The following TMEM132B variants were observed in gnomAD, a reference collection of about 807,000 sequenced individuals.
TMEM132B encodes the protein transmembrane protein 132B.
In TMEM132B, 18 loss-of-function variants were observed where a neutral mutation model predicts 90.8. The ratio of observed to expected loss-of-function variants is 0.20; its 90% confidence interval spans 0.14 to 0.29. The LOEUF (loss-of-function observed/expected upper bound fraction) is 0.29, where lower values mean the gene tolerates loss of function less well. TMEM132B is among the 10% of genes least tolerant of loss of function. The probability of loss-of-function intolerance (pLI) is 1.00; values close to 1 mark genes in which losing one functional copy is unlikely to be tolerated. For synonymous variants in TMEM132B, 504 were observed against 523.3 expected, an observed-to-expected ratio of 0.96 and a Z score of 0.50; for missense variants, 1,096 against 1,326.8, an observed-to-expected ratio of 0.83 and a Z score of 2.70.
chr12:125,440,751 T>C (rs1329820146), intron 3 of TMEM132B, among the ~76,000 whole-genome samples: 2 of 152,220 alleles, frequency 1.3e-5, no homozygotes, highest in Non-Finnish European at 2.9e-5. Context: ...CTAAGTGTTT[T>C]TTTCTTTCAG....
intron 2 of TMEM132B, among the ~76,000 whole-genome samples, chr12:125,350,593 T>C (rs1877536746): frequency 6.6e-6 from 1 of 152,092 alleles, no homozygotes; most frequent in Non-Finnish European, 1.5e-5. Context: ...GGAGTCTCCA[T>C]AGAGCCAGAG....
chr12:125,642,537 C>T (rs1886658665), intron 5 of TMEM132B, among the ~76,000 whole-genome samples: 1 of 152,158 alleles, frequency 6.6e-6, no homozygotes, highest in Admixed American at 6.5e-5. Flanking sequence ...GCTCTATCTA[C>T]TACCATCTTA....
intron 5 of TMEM132B, among the ~76,000 whole-genome samples, chr12:125,619,343 TA>T: frequency 6.1e-5 from 1 of 16,344 alleles, no homozygotes; most frequent in South Asian, 1.8e-3. Flanking sequence ...TTTATTTATT[TA>T]TTTATTTATT....
At chr12:125,375,160 C>A (rs796631112) in intron 2 of TMEM132B, among the ~76,000 whole-genome samples, 4 of 152,182 alleles carry the variant, frequency 2.6e-5, no homozygotes, top group African/African-American at 9.7e-5. Context: ...AAGCAGCTAA[C>A]CCTTTCGTGT....
chr12:125,273,095 T>C (rs1266117010), intron 1 of TMEM132B, among the ~76,000 whole-genome samples: 8 of 152,344 alleles, frequency 5.3e-5, no homozygotes, highest in African/African-American at 1.9e-4. Flanking sequence ...AATAAAACCG[T>C]ACAATGAATA....
chr12:125,565,579 G>A (rs1387268992), intron 4 of TMEM132B, among the ~76,000 whole-genome samples: 4 of 152,220 alleles, frequency 2.6e-5, no homozygotes, highest in Non-Finnish European at 5.9e-5. Context: ...ATTGAGTGGT[G>A]AAAGTGGCTC....
At chr12:125,394,366 C>T (rs1879113532) in intron 2 of TMEM132B, among the ~76,000 whole-genome samples, 1 of 152,160 alleles carries the variant, frequency 6.6e-6, no homozygotes, top group Non-Finnish European at 1.5e-5. Context: ...TGGGCAGCGA[C>T]AGCTTGGGAT....
At position 125,344,471 on chromosome 12, in the gene TMEM132B, G is replaced by A. The variant is rs537253173; in HGVS notation, c.68-4981G>A. Among the ~76,000 whole-genome samples the A allele has an allele frequency of 9.8e-5, 15 of 152,326 alleles. No homozygotes were observed. The East Asian group carries it at 2.3e-3, about 24-fold the overall frequency. ...CAGAACCCAGAAGCTGCTGGGTTAA[G>A]CATTAGAACCTGCTACAGGAAACTG... On this transcript the variant is annotated intron_variant, in intron 1 of 8. Coordinates refer to ENST00000682704, the MANE Select transcript of TMEM132B (RefSeq NM_001366854.1).
intron 2 of TMEM132B, among the ~76,000 whole-genome samples, chr12:125,395,327 G>C (rs913451253): frequency 1.2e-4 from 18 of 152,322 alleles, no homozygotes; most frequent in African/African-American, 4.1e-4. Flanking sequence ...ACAAATAGCA[G>C]GTTTGACTTC....
chr12:125,273,927 G>A (rs892708164), intron 1 of TMEM132B, among the ~76,000 whole-genome samples: 1 of 152,192 alleles, frequency 6.6e-6, no homozygotes, highest in Non-Finnish European at 1.5e-5. Context: ...GCCTCCCAAA[G>A]TGCTGGGATT....
chr12:125,232,297 T>C (rs2136083958), intron 1 of TMEM132B, among the ~76,000 whole-genome samples: 1 of 152,352 alleles, frequency 6.6e-6, no homozygotes, highest in East Asian at 1.9e-4. Flanking sequence ...TTAATTCTTT[T>C]TGGAGCTCTC....
At position 125,478,827 on chromosome 12, in the gene TMEM132B, A is replaced by G. The variant is rs1460997345; in HGVS notation, c.1107-40612A>G. Among the ~76,000 whole-genome samples the G allele has an allele frequency of 2.0e-5, 3 of 152,230 alleles. No individual in the cohort carries two copies. In the East Asian group the frequency reaches 5.8e-4, roughly 29 times the overall value. On this transcript the variant is annotated intron_variant, in intron 3 of 8. Transcript: ENST00000682704. ...ATAATTGTCAGATTCACCAAAGTTGAAATGAAGGAAAAAATGCTAAGGGCA... is the reference window on the plus strand; with the variant it reads ...ATAATTGTCAGATTCACCAAAGTTGGAATGAAGGAAAAAATGCTAAGGGCA...
chr12:125,487,357 T>C (rs1218528980), intron 3 of TMEM132B, among the ~76,000 whole-genome samples: 1 of 152,178 alleles, frequency 6.6e-6, no homozygotes, highest in African/African-American at 2.4e-5. Flanking sequence ...TATAGCTCGT[T>C]GTACTAGTTA....
At chr12:125,435,870 A>T (rs2136416284) in intron 3 of TMEM132B, among the ~76,000 whole-genome samples, 1 of 151,970 alleles carries the variant, frequency 6.6e-6, no homozygotes, top group South Asian at 2.1e-4. Context: ...GACCTCTCCT[A>T]ACCAGGGCAG....
intron 3 of TMEM132B, among the ~76,000 whole-genome samples, chr12:125,494,274 C>CCA (rs1882454013): frequency 8.8e-6 from 1 of 113,202 alleles, no homozygotes; most frequent in Non-Finnish European, 1.8e-5. Flanking sequence ...CTGGAAATGG[C>CCA]TGCATCCCTC....
intron 1 of TMEM132B, among the ~76,000 whole-genome samples, chr12:125,330,158 G>A (rs1412818830): frequency 6.6e-6 from 1 of 152,112 alleles, no homozygotes; most frequent in Non-Finnish European, 1.5e-5. Flanking sequence ...ATATTCTTCC[G>A]GAGCACAGAG....
chr12:125,351,456 G>A (rs779119495), intron 2 of TMEM132B, among the ~76,000 whole-genome samples: 11 of 152,104 alleles, frequency 7.2e-5, no homozygotes, highest in Non-Finnish European at 1.6e-4. Flanking sequence ...AGTGGAATAC[G>A]GGGGCAGACA....
intron 4 of TMEM132B, among the ~76,000 whole-genome samples, chr12:125,520,452 G>A (rs1426394947): frequency 1.3e-5 from 2 of 152,170 alleles, no homozygotes; most frequent in African/African-American, 4.8e-5. Context: ...AAACAACAAA[G>A]TTGAGACTCC....
At chr12:125,439,593 A>G (rs1164333074) in intron 3 of TMEM132B, among the ~76,000 whole-genome samples, 2 of 152,180 alleles carry the variant, frequency 1.3e-5, no homozygotes, top group Non-Finnish European at 2.9e-5. Flanking sequence ...TTTTCTAGGT[A>G]TAGAATCATG....
Sources: gnomAD v4.1 joint callset for allele counts (sites outside exome capture counted in the v4.1 genomes callset) on GRCh38, gnomAD v4.1.1 for gene constraint, MANE v1.5 for transcripts, NCBI Gene and HGNC (gene_info 2026-07-23, HGNC 2026-07-21) for gene names.